The following EXOC6 variants were observed in gnomAD, a reference collection of about 807,000 sequenced individuals.
The protein encoded by EXOC6 is exocyst complex component 6, also known as SEC15-like 1.
A neutral mutation model predicts 112.5 loss-of-function variants in EXOC6; 60 were observed. That is an observed-to-expected ratio of 0.53 (90% confidence interval 0.43 to 0.66). The LOEUF (loss-of-function observed/expected upper bound fraction) is 0.66, where lower values mean the gene tolerates loss of function less well. Ranked by LOEUF, EXOC6 falls within the 30% of genes least tolerant of loss-of-function variation. The probability of loss-of-function intolerance (pLI) is 0.00; values close to 1 mark genes in which losing one functional copy is unlikely to be tolerated. For missense variants in EXOC6, 855 were observed against 957.1 expected (o/e 0.89, Z 1.41); for synonymous variants, 295 against 308.0 (o/e 0.96, Z 0.44).
chr10:93,037,146 T>G (rs1484228246), intron 20 of EXOC6, among the ~76,000 whole-genome samples: 1 of 146,400 alleles, frequency 6.8e-6, no homozygotes, highest in Non-Finnish European at 1.5e-5. Context: ...TTCTTCTACT[T>G]TTTTTTTTTT....
intron 1 of EXOC6, among the ~76,000 whole-genome samples, chr10:92,863,928 C>T (rs1184399436): frequency 2.2e-5 from 3 of 135,076 alleles, no homozygotes; most frequent in Non-Finnish European, 4.8e-5. Context: ...AAAAAAAAAA[C>T]AAAACAAAAA....
At chr10:92,870,740 C>T (rs183514335) in intron 1 of EXOC6, among the ~76,000 whole-genome samples, 19 of 149,534 alleles carry the variant, frequency 1.3e-4, no homozygotes, top group African/African-American at 4.2e-4. Context: ...GATGGAGTCT[C>T]GCTCTGTCAC....
intron 1 of EXOC6, among the ~76,000 whole-genome samples, chr10:92,884,788 T>C (rs1322420655): frequency 2.6e-5 from 4 of 152,190 alleles, no homozygotes; most frequent in African/African-American, 9.7e-5. Context: ...GGATATTACA[T>C]GCTTTTTAAC....
At chr10:92,991,798 C>T (rs1024344263) in intron 18 of EXOC6, among the ~76,000 whole-genome samples, 2 of 152,008 alleles carry the variant, frequency 1.3e-5, no homozygotes, top group Non-Finnish European at 2.9e-5. Context: ...GTTACTGTCT[C>T]ATACCCTTAT....
At chr10:92,890,952 T>C (rs1849470811) in intron 1 of EXOC6, among the ~76,000 whole-genome samples, 2 of 152,112 alleles carry the variant, frequency 1.3e-5, no homozygotes, top group African/African-American at 2.4e-5. Flanking sequence ...GGCTGCTGTA[T>C]TGAGAACAGA....
At chr10:92,999,831 T>C (rs941533527) in intron 19 of EXOC6, among the ~76,000 whole-genome samples, 2 of 151,892 alleles carry the variant, frequency 1.3e-5, no homozygotes, top group Non-Finnish European at 2.9e-5. Context: ...GCCTCCTGAG[T>C]AGCTGAGACT....
intron 9 of EXOC6, among the ~76,000 whole-genome samples, chr10:92,929,653 A>G (rs1262513778): frequency 6.6e-6 from 1 of 152,238 alleles, no homozygotes; most frequent in Non-Finnish European, 1.5e-5. Context: ...AAGAATGACC[A>G]AATAGATGTG....
intron 13 of EXOC6, among the ~76,000 whole-genome samples, chr10:92,942,743 T>C (rs1319911898): frequency 6.6e-6 from 1 of 152,188 alleles, no homozygotes; most frequent in Non-Finnish European, 1.5e-5. Flanking sequence ...AGGGTGTTTA[T>C]GTTTTCATAA....
At chr10:93,027,228 A>G (rs1033608238) in intron 20 of EXOC6, among the ~76,000 whole-genome samples, 2 of 152,230 alleles carry the variant, frequency 1.3e-5, no homozygotes, top group African/African-American at 4.8e-5. Flanking sequence ...GAGAGAAGTG[A>G]GGAAGCTGCA....
At chr10:92,845,012 T>G (rs538672865), upstream of EXOC6, among the ~76,000 whole-genome samples, 2 of 152,360 alleles carry the variant, frequency 1.3e-5, no homozygotes, top group African/African-American at 4.8e-5. Flanking sequence ...AAGTTCCTAA[T>G]GACTAAGAGT....
At chr10:92,981,502 C>T (rs1402135733) in intron 18 of EXOC6, among the ~76,000 whole-genome samples, 1 of 152,090 alleles carries the variant, frequency 6.6e-6, no homozygotes, top group Non-Finnish European at 1.5e-5. Flanking sequence ...ACTAAAGGTA[C>T]CCAATTTATG....
Position 93,012,955 on chromosome 10 carries a change from T to G in EXOC6, c.2096-1239T>G, listed in dbSNP as rs909713377. ...CCCAGCTACTTGGGAGGCTGATTCCTTGAGCCCAGGAGTTCGAGGTTGCAG... is the reference window on the plus strand; with the variant it reads ...CCCAGCTACTTGGGAGGCTGATTCCGTGAGCCCAGGAGTTCGAGGTTGCAG... On this transcript the variant is annotated intron_variant, in intron 19 of 21. Coordinates refer to ENST00000260762, the MANE Select transcript of EXOC6 (RefSeq NM_019053.6). 2.6e-5 allele frequency among the ~76,000 whole-genome samples: 4 copies of G among 151,668 alleles called. No individual in the cohort carries two copies. The East Asian group carries it at 7.8e-4, about 30-fold the overall frequency.
At chr10:92,995,570 TC>T (rs1249252959) in intron 18 of EXOC6, among the ~76,000 whole-genome samples, 2 of 152,180 alleles carry the variant, frequency 1.3e-5, no homozygotes, top group Non-Finnish European at 2.9e-5. Context: ...CATTAAGTAT[TC>T]TGAAGCCTAT....
At chr10:92,952,132 C>T (rs1454477000) in intron 14 of EXOC6, 141 bp from the exon 15 acceptor site, 3 of 581,874 alleles carry the variant, frequency 5.2e-6, no homozygotes, top group African/African-American at 1.9e-5. Flanking sequence ...GATAAAATAT[C>T]AAAAATGTAG....
chr10:92,916,200 A>T (rs1851075937), intron 7 of EXOC6, among the ~76,000 whole-genome samples: 1 of 145,652 alleles, frequency 6.9e-6, no homozygotes, highest in African/African-American at 2.6e-5. Flanking sequence ...CTAGCCGCTT[A>T]CATGTGAACA....
chr10:92,896,047 GTA>G lies in EXOC6; in HGVS notation c.412+1035_412+1036del, dbSNP rs1161348531. Among the ~76,000 whole-genome samples the G allele has an allele frequency of 1.6e-4, 12 of 73,230 alleles. 1 individual carries two copies. The South Asian group carries it at 1.9e-3, about 11-fold the overall frequency. The allele number at this position is 73,230 out of a possible 152,430, so 48.0% of individuals were successfully genotyped here. A position where few individuals can be genotyped will look rare whatever the true frequency, so the allele number is the denominator to read the frequency against. On this transcript the variant is annotated intron_variant, in intron 4 of 21. Coordinates refer to ENST00000260762, the MANE Select transcript of EXOC6 (RefSeq NM_019053.6). Reference sequence around the variant, plus strand: ...TATATATATGTGTGTATATATATGTGTATATATATGTGTATATATATGTGTAT... The same window carrying G: ...TATATATATGTGTGTATATATATGTGTATATATGTGTATATATATGTGTAT...
At chr10:92,939,735 A>G (rs972821243) in intron 12 of EXOC6, among the ~76,000 whole-genome samples, 1 of 152,152 alleles carries the variant, frequency 6.6e-6, no homozygotes, top group Non-Finnish European at 1.5e-5. Flanking sequence ...TAGAAGTTAC[A>G]CAAGGAAACT....
intron 18 of EXOC6, chr10:92,987,651 A>T: frequency 1.0e-6 from 1 of 982,642 alleles, no homozygotes; most frequent in African/African-American, 1.7e-5. Context: ...CGGTAAGTAG[A>T]TATAAACTAA....
intron 19 of EXOC6, among the ~76,000 whole-genome samples, chr10:93,001,796 C>T (rs1843768535): frequency 6.6e-6 from 1 of 152,136 alleles, no homozygotes; most frequent in Admixed American, 6.6e-5. Flanking sequence ...ATCCACAAGC[C>T]AGTTACATGA....
Sources: gnomAD v4.1 joint callset for allele counts (sites outside exome capture counted in the v4.1 genomes callset) on GRCh38, gnomAD v4.1.1 for gene constraint, MANE v1.5 for transcripts, NCBI Gene and HGNC (gene_info 2026-07-23, HGNC 2026-07-21) for gene names.